The following ANK3 variants were observed in gnomAD, a reference collection of about 807,000 sequenced individuals.
ANK3 encodes the protein ankyrin 3.
A neutral mutation model predicts 370.9 loss-of-function variants in ANK3; 57 were observed. The ratio of observed to expected loss-of-function variants is 0.15; its 90% CI spans 0.12 to 0.19. The LOEUF (loss-of-function observed/expected upper bound fraction) is 0.19. ANK3 is among the 10% of genes least tolerant of loss of function. The pLI is 1.00. For missense variants in ANK3, 4,439 were observed against 5,302.1 expected (o/e 0.84, Z 5.06); for synonymous variants, 1,929 against 1,946.3 (o/e 0.99, Z 0.23).
chr10:60,619,096 C>T (rs931268452), intron 1 of ANK3, among the ~76,000 whole-genome samples: 1 of 152,018 alleles, frequency 6.6e-6, no homozygotes, highest in African/African-American at 2.4e-5. Context: ...AGGCTTTCTC[C>T]CATCTCTCTA....
intron 26 of ANK3, among the ~76,000 whole-genome samples, chr10:60,110,091 G>A (rs1460191217): frequency 3.3e-5 from 5 of 151,920 alleles, no homozygotes; most frequent in African/African-American, 9.7e-5. Flanking sequence ...GAAAATTGTC[G>A]GAATTCTTAA....
rs552588735 is a variant in ANK3, at chr10:60,434,742, T to C, written c.97-155103A>G. On this transcript the variant is annotated intron_variant, in intron 2 of 43. Transcript: ENST00000373827. ...TCTTTTTATTATTTAGTACAGTGTA[T>C]GCATTTTTGCAGAAGCTCAAATCAA... is the stretch of plus-strand genomic sequence containing the variant. Among the ~76,000 whole-genome samples the C allele has an allele frequency of 3.1e-3, 478 of 152,344 alleles. 3 individuals carry two copies. The highest frequency in any genetic ancestry group is 0.011 in the African/African-American group (469 of 41,578).
At chr10:60,580,152 C>T (rs755415607) in intron 2 of ANK3, among the ~76,000 whole-genome samples, 21 of 152,300 alleles carry the variant, frequency 1.4e-4, no homozygotes, top group Non-Finnish European at 2.4e-4. Context: ...TCACTAATAA[C>T]GTCCATTACT....
At chr10:60,078,541 A>G (rs2084344780) in intron 36 of ANK3, among the ~76,000 whole-genome samples, 1 of 152,216 alleles carries the variant, frequency 6.6e-6, no homozygotes, top group Non-Finnish European at 1.5e-5. Context: ...TCAGGCAAAG[A>G]AATCTTTTGA....
chr10:60,487,902 C>A (rs894016496), intron 2 of ANK3, among the ~76,000 whole-genome samples: 2 of 151,892 alleles, frequency 1.3e-5, no homozygotes, highest in Non-Finnish European at 2.9e-5. Flanking sequence ...TTAGTCGAGA[C>A]GAGGTTTCTC....
intron 28 of ANK3, among the ~76,000 whole-genome samples, chr10:60,101,327 G>A (rs1451159822): frequency 6.6e-6 from 1 of 152,058 alleles, no homozygotes; most frequent in Non-Finnish European, 1.5e-5. Flanking sequence ...TCTTCTACTA[G>A]AAAATTCCAG....
intron 2 of ANK3, among the ~76,000 whole-genome samples, chr10:60,449,097 A>C (rs892074490): frequency 1.3e-5 from 2 of 152,224 alleles, no homozygotes; most frequent in African/African-American, 2.4e-5. Flanking sequence ...TAAAATAAGC[A>C]TGGGTCTCTC....
At chr10:60,563,897 A>T (rs2077398347) in intron 2 of ANK3, among the ~76,000 whole-genome samples, 1 of 152,206 alleles carries the variant, frequency 6.6e-6, no homozygotes, top group South Asian at 2.1e-4. Flanking sequence ...ATTATACTAC[A>T]GGTCTAACAT....
intron 1 of ANK3, among the ~76,000 whole-genome samples, chr10:60,639,286 A>G (rs2078596938): frequency 6.6e-6 from 1 of 151,564 alleles, no homozygotes; most frequent in African/African-American, 2.4e-5. Context: ...TATTTCAAAA[A>G]TGAAGATGAA....
intron 1 of ANK3, among the ~76,000 whole-genome samples, chr10:60,716,669 A>G (rs924663672): frequency 1.3e-5 from 2 of 152,236 alleles, no homozygotes; most frequent in East Asian, 1.9e-4. Flanking sequence ...GCATGCCACC[A>G]TGCCCGGCTA....
rs577863183 is a variant in ANK3, at chr10:60,459,509, T to A, written c.96+155677A>T. Among the ~76,000 whole-genome samples the A allele has an allele frequency of 6.4e-4, 98 of 152,258 alleles. 3 individuals carry two copies. The South Asian group carries it at 0.019, about 29-fold the overall frequency. Reference sequence around the variant, plus strand: ...ACCTCAGAGTCTTTACTCAGCTATTTTTTTGCAACTGCCTGGAACCCTCTT... The same window carrying A: ...ACCTCAGAGTCTTTACTCAGCTATTATTTTGCAACTGCCTGGAACCCTCTT... On this transcript the variant is annotated intron_variant, in intron 2 of 43. Coordinates refer to the ANK3 transcript ENST00000373827.
At chr10:60,158,900 T>A (rs2095425007) in intron 23 of ANK3, among the ~76,000 whole-genome samples, 1 of 152,044 alleles carries the variant, frequency 6.6e-6, no homozygotes, top group Admixed American at 6.6e-5. Context: ...GGTCTTGAAC[T>A]CCTGGCCTCA....
At chr10:60,708,979 A>G (rs1033102750) in intron 1 of ANK3, among the ~76,000 whole-genome samples, 4 of 152,150 alleles carry the variant, frequency 2.6e-5, no homozygotes, top group Non-Finnish European at 5.9e-5. Flanking sequence ...AGTAAACACA[A>G]CCTGATTTCT....
intron 1 of ANK3, among the ~76,000 whole-genome samples, chr10:60,628,460 T>C (rs1185185192): frequency 6.6e-6 from 1 of 152,178 alleles, no homozygotes; most frequent in Non-Finnish European, 1.5e-5. Context: ...CCAGGAGCAA[T>C]TCATGTGTTC....
At chr10:60,612,434 A>T (rs2078213090) in intron 2 of ANK3, among the ~76,000 whole-genome samples, 1 of 151,030 alleles carries the variant, frequency 6.6e-6, no homozygotes, top group African/African-American at 2.4e-5. Context: ...AAAGGTATCA[A>T]CTCTCACCTC....
intron 2 of ANK3, among the ~76,000 whole-genome samples, chr10:60,460,683 C>T (rs927798517): frequency 6.6e-6 from 1 of 152,048 alleles, no homozygotes; most frequent in African/African-American, 2.4e-5. Context: ...AGTATTACCA[C>T]CAAAAAAATT....
intron 12 of ANK3, among the ~76,000 whole-genome samples, chr10:60,202,628 C>T (rs750274431): frequency 6.6e-6 from 1 of 152,032 alleles, no homozygotes; most frequent in African/African-American, 2.4e-5. Flanking sequence ...ACAATAAGGC[C>T]GGGCATGGTG....
At chr10:60,532,983 G>A (rs1227408037) in intron 2 of ANK3, among the ~76,000 whole-genome samples, 2 of 151,894 alleles carry the variant, frequency 1.3e-5, no homozygotes, top group Non-Finnish European at 2.9e-5. Context: ...GTTCTTCTCA[G>A]CCAGCAAAAG....
intron 2 of ANK3, among the ~76,000 whole-genome samples, chr10:60,416,903 T>A (rs1020854526): frequency 6.6e-6 from 1 of 152,190 alleles, no homozygotes; most frequent in Non-Finnish European, 1.5e-5. Context: ...TTTTAAGATA[T>A]ATAAATTACA....
Sources: gnomAD v4.1 joint callset for allele counts (sites outside exome capture counted in the v4.1 genomes callset) on GRCh38, gnomAD v4.1.1 for gene constraint, MANE v1.5 for transcripts, NCBI Gene and HGNC (gene_info 2026-07-23, HGNC 2026-07-21) for gene names.